Variants in MAP3K13 observed in about 807,000 individuals in gnomAD.
The protein encoded by MAP3K13 is leucine zipper-bearing kinase.
Under a neutral mutation model 104.0 loss-of-function variants are expected in MAP3K13, and 52 were observed. The observed-to-expected ratio is 0.50, with a 90% CI of 0.40 to 0.63. MAP3K13 has a LOEUF of 0.63. MAP3K13 is among the 20% of genes least tolerant of loss of function. The pLI, the probability that MAP3K13 is intolerant of heterozygous loss-of-function variation, is 0.00. For synonymous variants in MAP3K13, 394 were observed against 442.2 expected (o/e 0.89, Z 1.37); for missense variants, 914 against 1,218.5 (o/e 0.75, Z 3.72).
At chr3:185,294,001 T>C (rs568879421) in intron 2 of MAP3K13, among the ~76,000 whole-genome samples, 2 of 152,322 alleles carry the variant, frequency 1.3e-5, no homozygotes, top group Non-Finnish European at 1.5e-5. Context: ...GTCAAATATT[T>C]TGCTTTTTAA....
intron 2 of MAP3K13, chr3:185,329,182 T>A (rs1722154141): frequency 1.4e-6 from 1 of 702,642 alleles, no homozygotes; most frequent in Non-Finnish European, 2.6e-6. Flanking sequence ...CTAAAACAGG[T>A]CCCGTGTGCA....
At chr3:185,447,580 G>A (rs1050077201) in intron 4 of MAP3K13, among the ~76,000 whole-genome samples, 16 of 150,834 alleles carry the variant, frequency 1.1e-4, no homozygotes, top group Non-Finnish European at 1.9e-4. Context: ...ATAAGACTAG[G>A]TGTTAAAAGC....
chr3:185,288,632 G>A, intron 2 of MAP3K13, among the ~76,000 whole-genome samples: 1 of 151,902 alleles, frequency 6.6e-6, no homozygotes, highest in Non-Finnish European at 1.5e-5. Flanking sequence ...AGGCCTTAGA[G>A]CTGGGCCTGT....
At chr3:185,408,834 A>G (rs1311933139) in intron 1 of MAP3K13, among the ~76,000 whole-genome samples, 2 of 152,226 alleles carry the variant, frequency 1.3e-5, no homozygotes, top group Non-Finnish European at 2.9e-5. Context: ...AGGCTTCATT[A>G]CGATCTGATT....
intron 1 of MAP3K13, among the ~76,000 whole-genome samples, chr3:185,378,008 G>GC (rs1560073715): frequency 6.6e-6 from 1 of 151,404 alleles, no homozygotes; most frequent in Non-Finnish European, 1.5e-5. Context: ...TCCTGGGGTG[G>GC]GGGGAGGTTC....
chr3:185,375,901 A>C (rs1445674480), intron 1 of MAP3K13, among the ~76,000 whole-genome samples: 1 of 152,198 alleles, frequency 6.6e-6, no homozygotes, highest in East Asian at 1.9e-4. Context: ...ATTTAGAGTC[A>C]GTATAAATAT....
At chr3:185,463,701 T>G in intron 8 of MAP3K13, 42 bp downstream of exon 8, 1 of 1,183,504 alleles carries the variant, frequency 8.4e-7, no homozygotes, top group Non-Finnish European at 1.3e-6. Context: ...CATCCCCAGG[T>G]CTTCAGATGT....
intron 2 of MAP3K13, among the ~76,000 whole-genome samples, chr3:185,338,295 A>G (rs1002437454): frequency 4.0e-5 from 6 of 149,256 alleles, no homozygotes; most frequent in African/African-American, 1.5e-4. Flanking sequence ...GTGCCATTGC[A>G]TTCCAGCCTG....
intron 2 of MAP3K13, among the ~76,000 whole-genome samples, chr3:185,327,753 A>C (rs1722088513): frequency 6.6e-6 from 1 of 152,140 alleles, no homozygotes; most frequent in Admixed American, 6.5e-5. Flanking sequence ...CTTTACTAAA[A>C]GTACAAAAAT....
chr3:185,410,583 T>C (rs898006863), intron 1 of MAP3K13, among the ~76,000 whole-genome samples: 4 of 152,178 alleles, frequency 2.6e-5, no homozygotes, highest in African/African-American at 9.7e-5. Context: ...ATTGTATGTA[T>C]TGAAACATCA....
At position 185,454,968 on chromosome 3, in the gene MAP3K13, TATATATATGATATATATGAG is replaced by T. The variant is rs1560118025; in HGVS notation, c.1278+3631_1278+3650del. ...AGATATATATGATATATATATGAGA[TATATATATGATATATATGAG>T]ATATATATGATATATATGAGATATA... On this transcript the variant is annotated intron_variant, in intron 7 of 13. Transcript: ENST00000265026. 1.5e-4 allele frequency among the ~76,000 whole-genome samples: 10 copies of T among 67,728 alleles called. 1 individual carries two copies. The highest frequency in any genetic ancestry group is 4.6e-4 in the East Asian group (1 of 2,176). 44.4% of individuals were successfully genotyped at this position (67,728 alleles called of 152,430 possible). A position where few individuals can be genotyped will look rare whatever the true frequency, so the allele number is the denominator to read the frequency against.
intron 1 of MAP3K13, among the ~76,000 whole-genome samples, chr3:185,391,222 T>A (rs888607230): frequency 2.0e-5 from 3 of 152,136 alleles, no homozygotes; most frequent in Non-Finnish European, 2.9e-5. Context: ...AACCAGTAAC[T>A]CCCCATTCCC....
Position 185,423,478 on chromosome 3 carries a change from G to A in MAP3K13, c.-85-5019G>A, listed in dbSNP as rs1261724754. On this transcript the variant is annotated intron_variant, in intron 1 of 13. Coordinates refer to ENST00000265026, the MANE Select transcript of MAP3K13 (RefSeq NM_004721.5). The surrounding 1 kb of genome is among the most constrained non-coding windows in gnomAD (Gnocchi z 4.1). ...CAAGGTTGTGGCAGGTGATCAGCCA[G>A]AAAGTATAATGAGGAGATCAGTAAT... Among the ~76,000 whole-genome samples, 1 of 152,244 alleles carries A rather than the reference G, an allele frequency of 6.6e-6. No individual in the cohort carries two copies. Among genetic ancestry groups the A allele is most frequent in the Non-Finnish European group, 1.5e-5 (1 of 68,048 alleles).
chr3:185,469,460 G>A (rs1577613612), intron 10 of MAP3K13, among the ~76,000 whole-genome samples: 1 of 152,204 alleles, frequency 6.6e-6, no homozygotes, highest in Admixed American at 6.5e-5. Flanking sequence ...AATGGGTATT[G>A]TAATAGTAGG....
intron 2 of MAP3K13, among the ~76,000 whole-genome samples, chr3:185,357,903 G>C (rs1723433862): frequency 6.6e-6 from 1 of 152,096 alleles, no homozygotes; most frequent in Admixed American, 6.6e-5. Context: ...ATATTGAATA[G>C]TTAAGTCTAA....
chr3:185,481,014 A>G (rs896348959), intron 13 of MAP3K13, among the ~76,000 whole-genome samples: 4 of 152,290 alleles, frequency 2.6e-5, no homozygotes, highest in Non-Finnish European at 5.9e-5. Flanking sequence ...GAGCCAAACC[A>G]TATCAGGCCT....
chr3:185,322,219 C>T (rs1246331342), intron 2 of MAP3K13, among the ~76,000 whole-genome samples: 5 of 152,146 alleles, frequency 3.3e-5, no homozygotes, highest in Non-Finnish European at 7.3e-5. Context: ...ATTCTATTTG[C>T]CAAAGGCCTT....
At chr3:185,440,621 G>A (rs894276) in intron 3 of MAP3K13, among the ~76,000 whole-genome samples, 122,983 of 152,112 alleles carry the variant, frequency 0.81, 50,936 homozygotes, top group East Asian at 0.91. Context: ...AAATAGCTTT[G>A]TGGCATTTGA....
At chr3:185,467,200 C>T (rs896665033) in intron 10 of MAP3K13, among the ~76,000 whole-genome samples, 1 of 152,158 alleles carries the variant, frequency 6.6e-6, no homozygotes, top group African/African-American at 2.4e-5. Flanking sequence ...GAGAAATAAA[C>T]TGGGGGCCAG....
Sources: gnomAD v4.1 joint callset for allele counts (sites outside exome capture counted in the v4.1 genomes callset) on GRCh38, gnomAD v4.1.1 for gene constraint, Gnocchi (gnomAD v3.1) non-coding constraint, MANE v1.5 for transcripts, NCBI Gene and HGNC (gene_info 2026-07-23, HGNC 2026-07-21) for gene names.